Variants in TAFA1 observed in about 807,000 individuals in gnomAD.
The protein encoded by TAFA1 is chemokine-like protein TAFA-1.
A neutral mutation model predicts 18.5 loss-of-function variants in TAFA1; 4 were observed. That is an observed-to-expected ratio of 0.22 (90% CI 0.11 to 0.49). TAFA1 has a LOEUF of 0.49. Among genes scored for constraint, TAFA1 ranks in the 20% least tolerant of loss-of-function variants. TAFA1 has a pLI of 0.98. For synonymous variants in TAFA1, 56 were observed against 55.2 expected, an observed-to-expected ratio of 1.01 and a Z score of -0.06; for missense variants, 147 against 169.0, an observed-to-expected ratio of 0.87 and a Z score of 0.72.
At chr3:68,296,843 A>G (rs1398488946) in intron 2 of TAFA1, among the ~76,000 whole-genome samples, 1 of 152,214 alleles carries the variant, frequency 6.6e-6, no homozygotes, top group South Asian at 2.1e-4. Flanking sequence ...CTGTTCATCA[A>G]ATAACCTAAT....
At chr3:68,299,585 A>G (rs1050395527) in intron 2 of TAFA1, among the ~76,000 whole-genome samples, 1 of 152,258 alleles carries the variant, frequency 6.6e-6, no homozygotes, top group Non-Finnish European at 1.5e-5. Flanking sequence ...AATTTGCATA[A>G]GTAACCAGGA....
chr3:68,006,387 T>G, intron 1 of TAFA1: 1 of 481,986 alleles, frequency 2.1e-6, no homozygotes, highest in Non-Finnish European at 3.8e-6. Context: ...TTTTTGCATT[T>G]TGCCAATCCT....
intron 2 of TAFA1, among the ~76,000 whole-genome samples, chr3:68,373,613 A>G (rs544981750): frequency 6.6e-6 from 1 of 152,294 alleles, no homozygotes; most frequent in African/African-American, 2.4e-5. Flanking sequence ...GGCAAACAAT[A>G]TCTTTTGAGC....
At position 68,284,643 on chromosome 3, in the gene TAFA1, G is replaced by A. The variant is rs1006700824; in HGVS notation, c.119-132637G>A. 2.6e-5 allele frequency among the ~76,000 whole-genome samples: 4 copies of A among 152,138 alleles called. No individual in the cohort carries two copies. The East Asian group carries it at 7.7e-4, about 29-fold the overall frequency. ...GAAAACTGCCCAGCAATAAAAAAGA[G>A]CAGGCCAGGCATGGTGATTCACACC... On this transcript the variant is annotated intron_variant, in intron 2 of 4. Transcript: ENST00000478136.
chr3:68,523,932 T>G (rs982311374), intron 3 of TAFA1, among the ~76,000 whole-genome samples: 27 of 152,216 alleles, frequency 1.8e-4, no homozygotes, highest in Non-Finnish European at 2.9e-4. Context: ...TACATTGTCT[T>G]TATCATTACT....
intron 2 of TAFA1, among the ~76,000 whole-genome samples, chr3:68,137,438 C>A (rs2065622149): frequency 6.6e-6 from 1 of 152,094 alleles, no homozygotes; most frequent in Non-Finnish European, 1.5e-5. Flanking sequence ...TTCTAAATTG[C>A]AGCATACCTG....
intron 3 of TAFA1, among the ~76,000 whole-genome samples, chr3:68,430,901 A>G (rs1394155527): frequency 6.6e-6 from 1 of 152,036 alleles, no homozygotes; most frequent in Non-Finnish European, 1.5e-5. Flanking sequence ...CAGTCTTAAG[A>G]TACTGTATTA....
intron 2 of TAFA1, among the ~76,000 whole-genome samples, chr3:68,260,152 T>C (rs1336543793): frequency 6.6e-6 from 1 of 152,192 alleles, no homozygotes; most frequent in Non-Finnish European, 1.5e-5. Context: ...CATGAAGCGT[T>C]GTTGAATTTT....
At chr3:68,080,501 C>A (rs2064883312) in intron 2 of TAFA1, among the ~76,000 whole-genome samples, 1 of 152,018 alleles carries the variant, frequency 6.6e-6, no homozygotes, top group Non-Finnish European at 1.5e-5. Flanking sequence ...TCTTTTAGGG[C>A]AGGCCTGGTG....
At chr3:68,311,359 T>C (rs1463465789) in intron 2 of TAFA1, among the ~76,000 whole-genome samples, 1 of 152,138 alleles carries the variant, frequency 6.6e-6, no homozygotes, top group Non-Finnish European at 1.5e-5. Context: ...GTCAATTCAT[T>C]TCAGCATTTA....
intron 2 of TAFA1, among the ~76,000 whole-genome samples, chr3:68,091,281 A>T (rs2065027135): frequency 6.6e-6 from 1 of 152,218 alleles, no homozygotes; most frequent in Non-Finnish European, 1.5e-5. Context: ...ATAAAGAAGT[A>T]TGCCCTTATG....
chr3:68,522,416 T>C (rs928751260), intron 3 of TAFA1, among the ~76,000 whole-genome samples: 4 of 151,984 alleles, frequency 2.6e-5, no homozygotes, highest in East Asian at 1.9e-4. Flanking sequence ...TGCAGAGAAA[T>C]GATAGGGAAA....
At chr3:68,170,329 C>G (rs2066036736) in intron 2 of TAFA1, among the ~76,000 whole-genome samples, 1 of 152,126 alleles carries the variant, frequency 6.6e-6, no homozygotes, top group African/African-American at 2.4e-5. Flanking sequence ...CTATAAATGC[C>G]CAAAGTCCAG....
In TAFA1 at chr3:68,427,530, G is replaced by T. The variant is rs555444024; in HGVS notation, c.259+10110G>T. Among the ~76,000 whole-genome samples the T allele has an allele frequency of 8.6e-5, 13 of 152,012 alleles. No homozygotes were observed. The South Asian group carries it at 1.9e-3, about 22-fold the overall frequency. Reference sequence around the variant, plus strand: ...TCTGATAACTTTATATAAGGAAGTAGTAAAACTTGTATCCCCTTCTGGGAC... The same window carrying T: ...TCTGATAACTTTATATAAGGAAGTATTAAAACTTGTATCCCCTTCTGGGAC... On this transcript the variant is annotated intron_variant, in intron 3 of 4. Coordinates refer to ENST00000478136, the MANE Select transcript of TAFA1 (RefSeq NM_213609.4).
intron 3 of TAFA1, among the ~76,000 whole-genome samples, chr3:68,420,135 A>G (rs1246818265): frequency 6.6e-6 from 1 of 152,186 alleles, no homozygotes; most frequent in Non-Finnish European, 1.5e-5. Context: ...ATTATCTGAG[A>G]AGAAAAGATG....
chr3:67,994,449 C>T, the TAFA1 span, among the ~76,000 whole-genome samples: 1 of 152,088 alleles, frequency 6.6e-6, no homozygotes, highest in Non-Finnish European at 1.5e-5. Context: ...TTTATATTTC[C>T]ATTGTTATAG....
At chr3:68,240,672 CT>C (rs2066985106) in intron 2 of TAFA1, among the ~76,000 whole-genome samples, 1 of 152,132 alleles carries the variant, frequency 6.6e-6, no homozygotes, top group Non-Finnish European at 1.5e-5. Flanking sequence ...TATCACTCTC[CT>C]TTGGAAAGAC....
intron 2 of TAFA1, among the ~76,000 whole-genome samples, chr3:68,214,384 A>C (rs2066630369): frequency 6.6e-6 from 1 of 152,096 alleles, no homozygotes; most frequent in Non-Finnish European, 1.5e-5. Flanking sequence ...ACAGCTTTTA[A>C]TATAGTCTTC....
intron 2 of TAFA1, among the ~76,000 whole-genome samples, chr3:68,211,869 C>G (rs1212727177): frequency 2.6e-5 from 4 of 152,036 alleles, no homozygotes; most frequent in Non-Finnish European, 2.9e-5. Context: ...TGACACAGCA[C>G]CAAGCCGTTT....
Sources: allele counts gnomAD v4.1 joint callset (sites outside exome capture counted in the v4.1 genomes callset), GRCh38; gene constraint gnomAD v4.1.1; transcripts MANE v1.5; gene names NCBI Gene and HGNC (gene_info 2026-07-23, HGNC 2026-07-21).